SIDT1: variants seen among roughly 807,000 people sequenced by gnomAD.
SIDT1 encodes the protein SID1 transmembrane family, member 1.
A neutral mutation model predicts 107.5 loss-of-function variants in SIDT1; 101 were observed. The ratio of observed to expected loss-of-function variants is 0.94; its 90% CI spans 0.80 to 1.11. The LOEUF (loss-of-function observed/expected upper bound fraction) is 1.11. Ranked by LOEUF, SIDT1 falls within the 50% of genes least tolerant of loss-of-function variation. The probability of loss-of-function intolerance (pLI) is 0.00; values close to 1 mark genes in which losing one functional copy is unlikely to be tolerated. For missense variants in SIDT1, 1,076 were observed against 1,058.2 expected, an observed-to-expected ratio of 1.02 and a Z score of -0.23; for synonymous variants, 395 against 398.2, an observed-to-expected ratio of 0.99 and a Z score of 0.10.
At chr3:113,602,927 C>G (rs957750044) in intron 11 of SIDT1, 78 bp from the exon 12 acceptor site, 74 of 1,498,708 alleles carry the variant, frequency 4.9e-5, no homozygotes, top group Admixed American at 3.4e-4. Flanking sequence ...TGAGTCTGCA[C>G]TGTGCTTTTT....
intron 1 of SIDT1, among the ~76,000 whole-genome samples, chr3:113,545,456 A>G (rs981416076): frequency 3.3e-5 from 5 of 152,190 alleles, no homozygotes; most frequent in African/African-American, 1.2e-4. Flanking sequence ...TAAACAACCT[A>G]CCATTCTAAG....
At chr3:113,614,142 T>C (rs1423310833) in intron 19 of SIDT1, among the ~76,000 whole-genome samples, 2 of 152,142 alleles carry the variant, frequency 1.3e-5, no homozygotes, top group African/African-American at 4.8e-5. Flanking sequence ...ACAGTGACCT[T>C]TCATGGACGT....
chr3:113,542,683 G>A (rs999098314), intron 1 of SIDT1, among the ~76,000 whole-genome samples: 4 of 152,094 alleles, frequency 2.6e-5, no homozygotes, highest in Non-Finnish European at 5.9e-5. Context: ...GAAGATCTGG[G>A]TAGCTTTCCT....
At chr3:113,538,094 C>T (rs1208841294) in intron 1 of SIDT1, among the ~76,000 whole-genome samples, 1 of 152,182 alleles carries the variant, frequency 6.6e-6, no homozygotes, top group Non-Finnish European at 1.5e-5. Context: ...CATGCGTCTT[C>T]TTATAAGGGC....
downstream of SIDT1, among the ~76,000 whole-genome samples, chr3:113,631,428 G>A (rs193278763): frequency 2.2e-4 from 33 of 152,272 alleles, no homozygotes; most frequent in Admixed American, 1.8e-3. Context: ...AAGCACTATC[G>A]GTAGAGATTC....
chr3:113,603,970 A>C lies in SIDT1; in HGVS notation c.1274A>C (p.Tyr425Ser), dbSNP rs761388108. The C allele has an allele frequency of 3.7e-6, 6 of 1,612,138 alleles. No homozygotes were observed. The Admixed American group carries it at 5.0e-5, about 13-fold the overall frequency. The change falls in exon 13 of 25, where the codon TAC (tyrosine) becomes TCC (serine). Residue 425 changes from tyrosine (Y) to serine (S), a missense_variant. Coordinates refer to ENST00000264852, the MANE Select transcript of SIDT1 (RefSeq NM_017699.3). ...TATTTGGCATTCCAGATGTTCCTTT[A>C]CCTGTCAGATTTGTCCAGGAAGGAC... Reference protein sequence around the residue: ...KNIIRTKMFLYLSDLSRKDRR... With the variant: ...KNIIRTKMFLSLSDLSRKDRR...
chr3:113,627,430 A>G (rs181764534), intron 24 of SIDT1, among the ~76,000 whole-genome samples: 2 of 152,384 alleles, frequency 1.3e-5, no homozygotes, highest in African/African-American at 4.8e-5. Context: ...CATCTGGAAT[A>G]GCACATCATA....
intron 9 of SIDT1, among the ~76,000 whole-genome samples, chr3:113,591,279 T>A (rs1368794615): frequency 6.6e-6 from 1 of 152,226 alleles, no homozygotes; most frequent in Non-Finnish European, 1.5e-5. Context: ...AACTGTAAGA[T>A]AATAAACTTG....
In SIDT1 at chr3:113,580,014, T is replaced by C. The variant is rs115240821; in HGVS notation, c.562-594T>C. 3.0e-3 allele frequency among the ~76,000 whole-genome samples: 458 copies of C among 152,314 alleles called. 2 individuals are homozygous for C. Among genetic ancestry groups the C allele is most frequent in the African/African-American group, 0.01 (432 of 41,570 alleles). ...AAAAGATACCTCAGCCTGCCCGCAA[T>C]TGTGAATGTATTTCTGGGGACTCCA... On this transcript the variant is annotated intron_variant, in intron 4 of 24. Coordinates refer to ENST00000264852, the MANE Select transcript of SIDT1 (RefSeq NM_017699.3).
At chr3:113,593,408 T>C (rs1560090992) in intron 10 of SIDT1, among the ~76,000 whole-genome samples, 2 of 152,196 alleles carry the variant, frequency 1.3e-5, no homozygotes, top group South Asian at 2.1e-4. Flanking sequence ...GAACTGTGCA[T>C]GCGAGGGATC....
chr3:113,621,617 A>T (rs554550885), intron 21 of SIDT1, among the ~76,000 whole-genome samples: 13 of 152,238 alleles, frequency 8.5e-5, no homozygotes, highest in African/African-American at 2.9e-4. Context: ...TAGCTAAATG[A>T]AGAGAGACGT....
In SIDT1 at chr3:113,618,498, G is replaced by A. The variant is rs1033855570; in HGVS notation, c.2044-1182G>A. On this transcript the variant is annotated intron_variant, in intron 20 of 24. Transcript: ENST00000264852. ...ATAAGTTTAGTTTTGTAAGAAACGC[G>A]AAACTGTCTTCCAAGTGGCTGTACC... Among the ~76,000 whole-genome samples, 33 of 152,336 alleles carry A rather than the reference G, an allele frequency of 2.2e-4. 1 individual carries two copies. The highest frequency in any genetic ancestry group is 4.4e-5 in the Non-Finnish European group (3 of 68,034).
At chr3:113,576,208 T>A (rs1233351971) in intron 3 of SIDT1, among the ~76,000 whole-genome samples, 1 of 152,192 alleles carries the variant, frequency 6.6e-6, no homozygotes, top group Non-Finnish European at 1.5e-5. Context: ...CTGTCTTACA[T>A]GGAAGAATGA....
At chr3:113,599,208 T>C (rs576476036) in intron 10 of SIDT1, among the ~76,000 whole-genome samples, 5 of 152,144 alleles carry the variant, frequency 3.3e-5, no homozygotes, top group Non-Finnish European at 5.9e-5. Context: ...GTAAAAGACC[T>C]ACAACATCAT....
chr3:113,588,812 T>TAAAAAAAAAAAAAAA (rs57043380), intron 9 of SIDT1: 1 of 140,200 alleles, frequency 7.1e-6, no homozygotes. Flanking sequence ...AATGCTACAT[T>TAAAAAAAAAAAAAAA]AAAAAAAAAA....
intron 1 of SIDT1, among the ~76,000 whole-genome samples, chr3:113,543,629 A>G (rs1286525214): frequency 2.0e-5 from 3 of 151,674 alleles, no homozygotes; most frequent in Non-Finnish European, 2.9e-5. Context: ...CTCTGTTTTC[A>G]CAGGGGATAT....
chr3:113,584,200 C>T lies in SIDT1; in HGVS notation c.836-498C>T, dbSNP rs140744066. Among the ~76,000 whole-genome samples, 5 of 152,186 alleles carry T rather than the reference C, an allele frequency of 3.3e-5. No individual in the cohort carries two copies. In the East Asian group the frequency reaches 9.6e-4, roughly 29 times the overall value. On this transcript the variant is annotated intron_variant, in intron 7 of 24. Coordinates refer to ENST00000264852, the MANE Select transcript of SIDT1 (RefSeq NM_017699.3). ...ATATTAATGTTTAGGTGAAATTTCT[C>T]CTAGTGTGTTCTTTAACCTCTTAAT...
intron 18 of SIDT1, 125 bp from the exon 19 acceptor site, chr3:113,611,961 G>C (rs1055682084): frequency 2.1e-5 from 14 of 663,782 alleles, no homozygotes; most frequent in Non-Finnish European, 3.7e-5. Flanking sequence ...AGTTTCCAGA[G>C]GGGGAGAAAA....
intron 1 of SIDT1, among the ~76,000 whole-genome samples, chr3:113,539,109 T>G (rs1938518734): frequency 6.6e-6 from 1 of 152,172 alleles, no homozygotes; most frequent in South Asian, 2.1e-4. Flanking sequence ...AAAGAAAAAA[T>G]GAAATAAATG....
Sources: allele counts gnomAD v4.1 joint callset (sites outside exome capture counted in the v4.1 genomes callset), GRCh38; gene constraint gnomAD v4.1.1; transcripts MANE v1.5; gene names NCBI Gene and HGNC (gene_info 2026-07-23, HGNC 2026-07-21).